The following GLG1 variants were observed in gnomAD, a reference collection of about 807,000 sequenced individuals.
GLG1 encodes Golgi apparatus protein 1.
Under a neutral mutation model 160.5 loss-of-function variants are expected in GLG1, and 38 were observed. The ratio of observed to expected loss-of-function variants is 0.24; its 90% CI spans 0.18 to 0.31. The LOEUF is 0.31. GLG1 is among the 10% of genes least tolerant of loss of function. The probability of loss-of-function intolerance (pLI) is 1.00; values close to 1 mark genes in which losing one functional copy is unlikely to be tolerated. For missense variants in GLG1, 1,373 were observed against 1,505.2 expected (o/e 0.91, Z 1.45); for synonymous variants, 644 against 543.4 (o/e 1.19, Z -2.57).
intron 12 of GLG1, among the ~76,000 whole-genome samples, chr16:74,475,111 C>A (rs1453076597): frequency 7.3e-6 from 1 of 136,386 alleles, no homozygotes; most frequent in East Asian, 2.2e-4. Context: ...AAGCCAGGAT[C>A]GTGCCACTGC....
At chr16:74,476,143 CTGCACT>C (rs1004771218) in intron 12 of GLG1, among the ~76,000 whole-genome samples, 1 of 151,798 alleles carries the variant, frequency 6.6e-6, no homozygotes, top group Non-Finnish European at 1.5e-5. Flanking sequence ...GATCGTGCCA[CTGCACT>C]CCAGCATGGG....
At chr16:74,569,131 C>A (rs933954768) in intron 1 of GLG1, among the ~76,000 whole-genome samples, 1 of 152,210 alleles carries the variant, frequency 6.6e-6, no homozygotes, top group Non-Finnish European at 1.5e-5. Context: ...CAAAAGGCTA[C>A]ACCCTTAAGA....
intron 2 of GLG1, among the ~76,000 whole-genome samples, chr16:74,520,768 T>G (rs1440846911): frequency 6.6e-6 from 1 of 152,238 alleles, no homozygotes; most frequent in Non-Finnish European, 1.5e-5. Context: ...GTCTTCTAGC[T>G]TCTAGGAATG....
At chr16:74,552,544 A>G in intron 1 of GLG1, 1 of 325,572 alleles carries the variant, frequency 3.1e-6, no homozygotes, top group South Asian at 2.8e-5. Context: ...TACCACAGTC[A>G]TCCAGAGACT....
chr16:74,478,086 T>C (rs2015457563), intron 11 of GLG1, among the ~76,000 whole-genome samples: 1 of 152,176 alleles, frequency 6.6e-6, no homozygotes. Flanking sequence ...GTTTCTAATA[T>C]ACTATATAAA....
chr16:74,454,671 A>ACC (rs1567451809), intron 25 of GLG1, among the ~76,000 whole-genome samples: 8 of 69,656 alleles, frequency 1.1e-4, no homozygotes, highest in African/African-American at 4.0e-4. Flanking sequence ...GTCCCCAAAA[A>ACC]AAAAAAAAAA....
intron 15 of GLG1, among the ~76,000 whole-genome samples, chr16:74,470,653 A>G (rs539471286): frequency 3.3e-5 from 5 of 151,738 alleles, no homozygotes; most frequent in African/African-American, 1.2e-4. Context: ...TCACCATGTT[A>G]GCCAGGTTGG....
intron 1 of GLG1, among the ~76,000 whole-genome samples, chr16:74,589,802 T>C (rs1276047822): frequency 6.6e-6 from 1 of 152,092 alleles, no homozygotes; most frequent in East Asian, 1.9e-4. Flanking sequence ...CCGAGCACGG[T>C]GGTACACGCC....
intron 1 of GLG1, among the ~76,000 whole-genome samples, chr16:74,551,306 A>G (rs935444387): frequency 4.0e-5 from 6 of 151,706 alleles, no homozygotes; most frequent in African/African-American, 7.3e-5. Flanking sequence ...TTATTTATTT[A>G]TTTTTTGAGA....
chr16:74,606,708 G>A lies in GLG1; in HGVS notation c.387C>T (p.His129=). Residue 129 remains histidine (H), a synonymous_variant, in exon 1 of 26, where the codon CAC becomes CAT. Coordinates refer to ENST00000422840, the MANE Select transcript of GLG1 (RefSeq NM_001145667.2). ...GCACCGCCAGGTTGTTGCTCCAGGTGTGCTTAGGGCACACGCGGGTCACGT... is the reference window on the plus strand; with the variant it reads ...GCACCGCCAGGTTGTTGCTCCAGGTATGCTTAGGGCACACGCGGGTCACGT... ...REDVTRVCPK[H]TWSNNLAVLE... The A allele has an allele frequency of 6.2e-7, 1 of 1,609,828 alleles. No individual in the cohort carries two copies. The highest frequency in any genetic ancestry group is 8.5e-7 in the Non-Finnish European group (1 of 1,177,228).
chr16:74,542,542 G>T (rs1040170502), intron 1 of GLG1, among the ~76,000 whole-genome samples: 7 of 151,288 alleles, frequency 4.6e-5, no homozygotes, highest in Non-Finnish European at 2.9e-5. Flanking sequence ...ATGGTAGCAG[G>T]TACCTGTAAT....
intron 2 of GLG1, among the ~76,000 whole-genome samples, chr16:74,529,840 G>A (rs1382185183): frequency 4.1e-5 from 4 of 97,970 alleles, no homozygotes; most frequent in African/African-American, 1.6e-4. Context: ...TTTTTGTGAC[G>A]GAGTCTCACT....
At chr16:74,589,803 G>C (rs1320328236) in intron 1 of GLG1, among the ~76,000 whole-genome samples, 2 of 152,082 alleles carry the variant, frequency 1.3e-5, no homozygotes, top group African/African-American at 4.8e-5. Context: ...CGAGCACGGT[G>C]GTACACGCCT....
intron 17 of GLG1, 196 bp from the exon 18 acceptor site, chr16:74,468,044 C>G (rs2015063085): frequency 2.0e-6 from 1 of 512,580 alleles, no homozygotes; most frequent in Non-Finnish European, 3.4e-6. Context: ...ACCTTCTTTG[C>G]AAAACACAAT....
Position 74,549,194 on chromosome 16 carries a change from T to A in GLG1, c.439-17041A>T, listed in dbSNP as rs184857290. On this transcript the variant is annotated intron_variant, in intron 1 of 25. Coordinates refer to ENST00000422840, the MANE Select transcript of GLG1 (RefSeq NM_001145667.2). ...TTCCTTTTGAGTTTAATTTTATGAG[T>A]CACTTCAAGATATGACCACAGTATG... Among the ~76,000 whole-genome samples, 4 of 151,968 alleles carry A rather than the reference T, an allele frequency of 2.6e-5. No individual in the cohort carries two copies. In the East Asian group the frequency reaches 7.7e-4, roughly 29 times the overall value.
At chr16:74,508,231 G>A (rs1458031452) in intron 3 of GLG1, among the ~76,000 whole-genome samples, 2 of 146,584 alleles carry the variant, frequency 1.4e-5, no homozygotes, top group African/African-American at 5.0e-5. Flanking sequence ...TTCTGGGGTG[G>A]AAAAATAGCA....
rs578036963 is a variant in GLG1, at chr16:74,553,943, G to A, written c.439-21790C>T. On this transcript the variant is annotated intron_variant, in intron 1 of 25. Transcript: ENST00000422840. ...TAATAGAAGTAGCTATCTGACAATA[G>A]CACAACTCACATATGCAAAAATACA... Among the ~76,000 whole-genome samples the A allele has an allele frequency of 7.9e-5, 12 of 152,250 alleles. No individual in the cohort carries two copies. The South Asian group carries it at 2.5e-3, about 32-fold the overall frequency.
intron 20 of GLG1, 55 bp from the exon 21 acceptor site, chr16:74,462,685 T>A: frequency 6.5e-7 from 1 of 1,536,060 alleles, no homozygotes; most frequent in South Asian, 1.1e-5. Context: ...TTCACACATT[T>A]TTAGATATCC....
intron 8 of GLG1, among the ~76,000 whole-genome samples, chr16:74,490,543 T>G (rs570770506): frequency 4.4e-4 from 67 of 152,336 alleles, no homozygotes; most frequent in Middle Eastern, 3.4e-3. Flanking sequence ...ATGCGGTAAA[T>G]TAGTAACAGA....
Sources: allele counts gnomAD v4.1 joint callset (sites outside exome capture counted in the v4.1 genomes callset), GRCh38; gene constraint gnomAD v4.1.1; transcripts MANE v1.5; gene names NCBI Gene and HGNC (gene_info 2026-07-23, HGNC 2026-07-21).